WWOX: variants seen among roughly 807,000 people sequenced by gnomAD.
WWOX encodes the protein WW domain-containing oxidoreductase.
In WWOX, 69 loss-of-function variants were observed where a neutral mutation model predicts 46.2. That is an observed-to-expected ratio of 1.49 (90% CI 1.23 to 1.82). The LOEUF is 1.82. Ranked by LOEUF, WWOX falls within the 40% of genes most tolerant of loss-of-function variation. The pLI is 0.00. For missense variants in WWOX, 919 were observed against 542.6 expected, an observed-to-expected ratio of 1.69 and a Z score of -6.89; for synonymous variants, 359 against 202.6, an observed-to-expected ratio of 1.77 and a Z score of -6.56.
At chr16:78,410,367 G>C (rs1447979561) in intron 6 of WWOX, among the ~76,000 whole-genome samples, 2 of 152,190 alleles carry the variant, frequency 1.3e-5, no homozygotes, top group Non-Finnish European at 2.9e-5. Flanking sequence ...TACCATGTAA[G>C]GTAATATGTT....
At chr16:78,601,038 C>A (rs765838939) in intron 8 of WWOX, among the ~76,000 whole-genome samples, 5 of 152,142 alleles carry the variant, frequency 3.3e-5, no homozygotes, top group South Asian at 2.1e-4. Flanking sequence ...CGTTCAGTTT[C>A]CACATAATAC....
intron 4 of WWOX, among the ~76,000 whole-genome samples, chr16:78,136,189 C>A (rs2033784154): frequency 6.6e-6 from 1 of 152,120 alleles, no homozygotes; most frequent in South Asian, 2.1e-4. Flanking sequence ...TAAGAAATTA[C>A]ATCTGGGCTA....
At chr16:78,939,812 C>T (rs184267019) in intron 8 of WWOX, among the ~76,000 whole-genome samples, 1 of 152,346 alleles carries the variant, frequency 6.6e-6, no homozygotes, top group African/African-American at 2.4e-5. Flanking sequence ...TGCCTCCCTT[C>T]CGTCATCCTT....
chr16:78,250,091 C>T (rs1467942871), intron 5 of WWOX, among the ~76,000 whole-genome samples: 1 of 152,206 alleles, frequency 6.6e-6, no homozygotes, highest in Non-Finnish European at 1.5e-5. Context: ...CTCCCTGGCT[C>T]TGTGACCTTG....
chr16:78,602,997 T>C (rs908275938), intron 8 of WWOX, among the ~76,000 whole-genome samples: 1 of 152,258 alleles, frequency 6.6e-6, no homozygotes, highest in Non-Finnish European at 1.5e-5. Context: ...TTCAACAAAA[T>C]GTAATACTCC....
At chr16:78,634,638 G>A (rs1238340936) in intron 8 of WWOX, among the ~76,000 whole-genome samples, 1 of 151,792 alleles carries the variant, frequency 6.6e-6, no homozygotes, top group Admixed American at 6.6e-5. Context: ...CCCAGGAGGC[G>A]GAGGTTGCAG....
intron 8 of WWOX, among the ~76,000 whole-genome samples, chr16:79,092,184 A>C (rs1393172192): frequency 6.6e-6 from 1 of 152,022 alleles, no homozygotes; most frequent in Non-Finnish European, 1.5e-5. Flanking sequence ...TTCCTACTTC[A>C]TTTTCTTGTG....
intron 4 of WWOX, among the ~76,000 whole-genome samples, chr16:78,125,689 C>G (rs1002451856): frequency 6.6e-6 from 1 of 152,198 alleles, no homozygotes; most frequent in Admixed American, 6.5e-5. Flanking sequence ...TAGCAAGACC[C>G]CATCTCTACC....
chr16:78,876,853 A>T (rs532010107), intron 8 of WWOX, among the ~76,000 whole-genome samples: 1 of 152,210 alleles, frequency 6.6e-6, no homozygotes, highest in Admixed American at 6.5e-5. Flanking sequence ...AACCCAGTGG[A>T]ACGCTCTTTC....
chr16:78,466,548 A>G (rs1043007773), intron 8 of WWOX, among the ~76,000 whole-genome samples: 2 of 152,098 alleles, frequency 1.3e-5, no homozygotes, highest in Non-Finnish European at 2.9e-5. Flanking sequence ...TAAATATTCC[A>G]GCTGCGTGCA....
chr16:78,331,337 C>T (rs535674254), intron 5 of WWOX, among the ~76,000 whole-genome samples: 1 of 152,274 alleles, frequency 6.6e-6, no homozygotes, highest in East Asian at 1.9e-4. Context: ...TTATTTTTAT[C>T]TGTGTAATTT....
At chr16:79,157,431 A>T (rs765919966) in intron 8 of WWOX, among the ~76,000 whole-genome samples, 67 of 146,830 alleles carry the variant, frequency 4.6e-4, no homozygotes, top group Non-Finnish European at 1.3e-4. Flanking sequence ...CCAAAAAAAA[A>T]AAAAAGAAAG....
intron 8 of WWOX, chr16:79,077,352 GA>G (rs1309919132): frequency 2.0e-5 from 3 of 152,126 alleles, no homozygotes; most frequent in Non-Finnish European, 2.9e-5. Flanking sequence ...ACACAATGGG[GA>G]AAATTGCCGT....
chr16:78,562,804 G>T (rs567153519), intron 8 of WWOX, among the ~76,000 whole-genome samples: 2 of 152,156 alleles, frequency 1.3e-5, no homozygotes, highest in Non-Finnish European at 1.5e-5. Flanking sequence ...GCTCTTCAGT[G>T]TCATCACAGA....
chr16:78,615,972 G>C (rs370964238), intron 8 of WWOX, among the ~76,000 whole-genome samples: 20 of 152,202 alleles, frequency 1.3e-4, no homozygotes, highest in African/African-American at 4.6e-4. Flanking sequence ...GGATGGTCTC[G>C]ATCTCCTGAC....
At chr16:79,038,008 C>T (rs2047901051) in intron 8 of WWOX, among the ~76,000 whole-genome samples, 1 of 152,106 alleles carries the variant, frequency 6.6e-6, no homozygotes, top group Non-Finnish European at 1.5e-5. Context: ...TGATGGCAAC[C>T]AGGCTCCAAT....
intron 8 of WWOX, among the ~76,000 whole-genome samples, chr16:78,528,978 G>C (rs1053602133): frequency 1.4e-5 from 2 of 147,462 alleles, no homozygotes; most frequent in African/African-American, 5.0e-5. Context: ...TTTTTAGGGA[G>C]GGTCTGGCTG....
At position 79,032,196 on chromosome 16, in the gene WWOX, T is replaced by TTA. The variant is rs1222499338; in HGVS notation, c.1057-179404_1057-179403dup. 3.4e-5 allele frequency among the ~76,000 whole-genome samples: 5 copies of TTA among 146,008 alleles called. No homozygotes were observed. In the East Asian group the frequency reaches 7.8e-4, roughly 23 times the overall value. The stretch of plus-strand genomic sequence containing the variant: ...CTTTGTCATTGCCCCCACCAAATAT[T>TTA]TATATATATGTATATACACATATGT... On this transcript the variant is annotated intron_variant, in intron 8 of 8. Coordinates refer to ENST00000566780, the MANE Select transcript of WWOX (RefSeq NM_016373.4).
intron 8 of WWOX, chr16:78,996,117 A>C: frequency 1.2e-6 from 1 of 834,990 alleles, no homozygotes; most frequent in African/African-American, 1.8e-5. Flanking sequence ...CCTTCCATGA[A>C]AGTCAGCTCA....
Sources: allele counts gnomAD v4.1 joint callset (sites outside exome capture counted in the v4.1 genomes callset), GRCh38; gene constraint gnomAD v4.1.1; transcripts MANE v1.5; gene names NCBI Gene and HGNC (gene_info 2026-07-23, HGNC 2026-07-21).